The following LCT variants were observed in gnomAD, a reference collection of about 807,000 sequenced individuals.
The protein encoded by LCT is lactase.
Under a neutral mutation model 173.0 loss-of-function variants are expected in LCT, and 90 were observed. That is an observed-to-expected ratio of 0.52 (90% CI 0.44 to 0.62). The LOEUF (loss-of-function observed/expected upper bound fraction) is 0.62, where lower values mean the gene tolerates loss of function less well. Ranked by LOEUF, LCT falls within the 20% of genes least tolerant of loss-of-function variation. The pLI, the probability that LCT is intolerant of heterozygous loss-of-function variation, is 0.00. For synonymous variants in LCT, 853 were observed against 957.6 expected (o/e 0.89, Z 2.02); for missense variants, 1,864 against 2,431.4 (o/e 0.77, Z 4.91).
At chr2:135,828,526 A>G (rs758872630) in intron 3 of LCT, among the ~76,000 whole-genome samples, 10 of 152,200 alleles carry the variant, frequency 6.6e-5, no homozygotes, top group Admixed American at 1.3e-4. Flanking sequence ...GTGGCCAGAC[A>G]TCCTTGGAAA....
intron 5 of LCT, 73 bp from the exon 6 acceptor site, chr2:135,818,134 G>C (rs1575343780): frequency 1.3e-6 from 2 of 1,555,856 alleles, no homozygotes; most frequent in East Asian, 4.5e-5. Flanking sequence ...CCCTACGGAT[G>C]ACTACTGTGT....
intron 14 of LCT, among the ~76,000 whole-genome samples, chr2:135,792,751 G>C (rs922509016): frequency 2.6e-5 from 4 of 152,190 alleles, no homozygotes; most frequent in Admixed American, 2.0e-4. Flanking sequence ...CACCCGAGGA[G>C]AGTCTGAGCT....
intron 13 of LCT, among the ~76,000 whole-genome samples, chr2:135,796,542 G>A (rs1379800139): frequency 6.6e-6 from 1 of 152,206 alleles, no homozygotes; most frequent in East Asian, 1.9e-4. Flanking sequence ...CCCGTGGAAA[G>A]AATGACCTGC....
At chr2:135,812,272 C>T (rs376908471) in intron 7 of LCT, 39 bp downstream of exon 7, 5 of 1,554,636 alleles carry the variant, frequency 3.2e-6, no homozygotes, top group Admixed American at 1.7e-5. Flanking sequence ...GGAGAAGTAC[C>T]ACCCACCTTC....
chr2:135,805,300 A>G (rs1183645627), intron 9 of LCT, among the ~76,000 whole-genome samples: 1 of 152,132 alleles, frequency 6.6e-6, no homozygotes, highest in Non-Finnish European at 1.5e-5. Flanking sequence ...TCTCTATAAA[A>G]AAAATCAAAA....
chr2:135,788,045 G>A lies in LCT; in HGVS notation c.*279C>T, dbSNP rs1358563982. ...AAACAGCCCTGTTAAGTTCAATTAA[G>A]TGGTTCACAGACCCACTAGACCAGT... On this transcript the variant is annotated 3_prime_UTR_variant, in exon 17 of 17. Transcript: ENST00000264162. 8.7e-6 allele frequency: 4 copies of A among 459,596 alleles called. No individual in the cohort carries two copies. The highest frequency in any genetic ancestry group is 1.6e-5 in the Non-Finnish European group (4 of 249,544). 28.5% of individuals were successfully genotyped at this position (459,596 alleles called of 1,614,324 possible).
At chr2:135,828,057 G>A (rs1376822912) in intron 3 of LCT, among the ~76,000 whole-genome samples, 4 of 151,928 alleles carry the variant, frequency 2.6e-5, no homozygotes, top group South Asian at 2.1e-4. Context: ...ATGGAGTCTC[G>A]CTCTGTCACC....
intron 5 of LCT, among the ~76,000 whole-genome samples, chr2:135,821,219 T>G (rs532880986): frequency 6.6e-6 from 1 of 152,126 alleles, no homozygotes; most frequent in African/African-American, 2.4e-5. Flanking sequence ...TTTGCAAACT[T>G]TGGCACTTGA....
intron 9 of LCT, among the ~76,000 whole-genome samples, chr2:135,805,886 G>A (rs1228345361): frequency 1.3e-5 from 2 of 152,160 alleles, no homozygotes; most frequent in Non-Finnish European, 2.9e-5. Flanking sequence ...TAAAAGTATA[G>A]CACATGCAGG....
Position 135,788,251 on chromosome 2 carries a change from T to C in LCT, c.*73A>G. On this transcript the variant is annotated 3_prime_UTR_variant, in exon 17 of 17. Transcript: ENST00000264162. ...CCAGTATCAGCAGAGTCTAAGACCCTAAGGTGTTTGGTGGCCGGTAAACAT... is the reference window on the plus strand; with the variant it reads ...CCAGTATCAGCAGAGTCTAAGACCCCAAGGTGTTTGGTGGCCGGTAAACAT... 3.7e-6 allele frequency: 4 copies of C among 1,070,344 alleles called. No individual in the cohort carries two copies. Among genetic ancestry groups the C allele is most frequent in the Non-Finnish European group, 5.8e-6 (4 of 695,510 alleles). The allele number at this position is 1,070,344 out of a possible 1,614,324, so 66.3% of individuals were successfully genotyped here. A position where few individuals can be genotyped will look rare whatever the true frequency, so the allele number is the denominator to read the frequency against.
intron 11 of LCT, among the ~76,000 whole-genome samples, chr2:135,802,642 C>T (rs930800798): frequency 2.0e-5 from 3 of 152,134 alleles, no homozygotes; most frequent in East Asian, 1.9e-4. Flanking sequence ...TTCTTACTCA[C>T]ATGTGGGAGC....
At position 135,817,822 on chromosome 2, in the gene LCT, C is replaced by G; in HGVS notation, c.1226G>C (p.Ser409Thr). 2 of 1,614,038 alleles carry G rather than the reference C, an allele frequency of 1.2e-6. No homozygotes were observed. The highest frequency in any genetic ancestry group is 2.2e-5 in the East Asian group (1 of 44,862). Residue 409 changes from serine (S) to threonine (T), a missense_variant, in exon 6 of 17, where the codon AGC becomes ACC. Coordinates refer to ENST00000264162, the MANE Select transcript of LCT (RefSeq NM_002299.4). ...CAGGGGCCTGCGTGGATCCCAGATG[C>G]TCACCCCTCTCCCACCCTCGGCCCA... Reference protein sequence around the residue: ...GGWAEGGRGVSIWDPRRPLNT... With the variant: ...GGWAEGGRGVTIWDPRRPLNT...
intron 5 of LCT, chr2:135,820,663 T>C (rs1458806752): frequency 3.3e-5 from 5 of 152,192 alleles, no homozygotes; most frequent in African/African-American, 7.2e-5. Context: ...AGAACTCTAG[T>C]TGAAGGTCTG....
rs147426095 is a variant in LCT at position 135,833,167 on chromosome 2, G to T, written c.664C>A (p.Arg222=). The T allele has an allele frequency of 1.1e-4, 175 of 1,613,778 alleles. No individual in the cohort carries two copies. Among genetic ancestry groups the T allele is most frequent in the Non-Finnish European group, 1.4e-4 (171 of 1,179,944 alleles). Residue 222 remains arginine (R), a synonymous_variant, in exon 2 of 17, where the codon CGA becomes AGA. Transcript: ENST00000264162. The part of the protein sequence containing the change: ...FQGGKLSVVL[R]AEDIPELLLE... ...AGGAGCTCCGGGATATCTTCAGCTC[G>T]CAGGACAACAGAGAGTTTTCCGCCT...
Position 135,805,062 on chromosome 2 carries a change from AGAT to A in LCT, c.4174-8_4174-6del. 1 of 1,614,044 alleles carries A rather than the reference AGAT, an allele frequency of 6.2e-7. No individual in the cohort carries two copies. Among genetic ancestry groups the A allele is most frequent in the Non-Finnish European group, 8.5e-7 (1 of 1,179,868 alleles). On this transcript the variant is annotated splice_polypyrimidine_tract_variant and splice_region_variant and intron_variant, in intron 9 of 16. Coordinates refer to ENST00000264162, the MANE Select transcript of LCT (RefSeq NM_002299.4). The stretch of plus-strand genomic sequence containing the variant: ...TGCTCTCCACGCACCTTCAATCTCA[AGAT>A]GACAAGACATGGTCTTATTAAGTCA...
In LCT at chr2:135,808,582, C is replaced by T. The variant is rs1402045386; in HGVS notation, c.3765G>A (p.Arg1255=). ...ACTCTTCCTTGATCCAGTTCAGCAGCCTTCGCGTCCCCCAGGGCGCAGCTC... is the reference window on the plus strand; with the variant it reads ...ACTCTTCCTTGATCCAGTTCAGCAGTCTTCGCGTCCCCCAGGGCGCAGCTC... The part of the protein sequence containing the change: ...MNRAAPWGTR[R]LLNWIKEEYG... The change falls in exon 8 of 17, where the codon AGG becomes AGA. Residue 1255 remains arginine, a synonymous_variant. Coordinates refer to ENST00000264162, the MANE Select transcript of LCT (RefSeq NM_002299.4). The T allele has an allele frequency of 6.2e-7, 1 of 1,614,248 alleles. No individual in the cohort carries two copies. Among genetic ancestry groups the T allele is most frequent in the South Asian group, 1.1e-5 (1 of 91,090 alleles).
intron 1 of LCT, among the ~76,000 whole-genome samples, chr2:135,834,797 A>AAAAAAAAAAAAAAAAAAAAG: frequency 7.1e-6 from 1 of 141,272 alleles, no homozygotes; most frequent in African/African-American, 2.9e-5. Context: ...CAAAAAAAAA[A>AAAAAAAAAAAAAAAAAAAAG]AAAAAAAAAA....
chr2:135,829,758 T>A (rs2077918853), intron 2 of LCT, 82 bp from the exon 3 acceptor site: 1 of 933,008 alleles, frequency 1.1e-6, no homozygotes, highest in African/African-American at 1.6e-5. Flanking sequence ...CTTTTTTGTT[T>A]CTCCCCTTAT....
Position 135,790,653 on chromosome 2 carries a change from C to T in LCT, c.5335+5G>A, listed in dbSNP as rs747065034. The stretch of plus-strand genomic sequence containing the variant: ...GCACGCTGGGGAAGGGCGGGCCCGT[C>T]GTACCTTTGAGGGCCTCATTGATGT... On this transcript the variant is annotated splice_donor_5th_base_variant and intron_variant, in intron 15 of 16. Coordinates refer to ENST00000264162, the MANE Select transcript of LCT (RefSeq NM_002299.4). The surrounding 1 kb of genome is among the most constrained non-coding windows in gnomAD (Gnocchi z 4.1). 15 of 1,590,600 alleles carry T rather than the reference C, an allele frequency of 9.4e-6. No homozygotes were observed. The highest frequency in any genetic ancestry group is 2.2e-4 in the Middle Eastern group (1 of 4,604).
Sources: allele counts gnomAD v4.1 joint callset (sites outside exome capture counted in the v4.1 genomes callset), GRCh38; gene constraint gnomAD v4.1.1; non-coding constraint Gnocchi (gnomAD v3.1); transcripts MANE v1.5; gene names NCBI Gene and HGNC (gene_info 2026-07-23, HGNC 2026-07-21).